THSD7A: variants seen among roughly 807,000 people sequenced by gnomAD.
The protein encoded by THSD7A is thrombospondin type 1 domain containing 7A.
In THSD7A, 96 loss-of-function variants were observed where a neutral mutation model predicts 231.3. That is an observed-to-expected ratio of 0.41 (90% confidence interval 0.35 to 0.49). The LOEUF is 0.49. Among genes scored for constraint, THSD7A ranks in the 20% least tolerant of loss-of-function variants. The pLI is 0.05. For synonymous variants in THSD7A, 940 were observed against 743.3 expected (o/e 1.26, Z -4.30); for missense variants, 2,290 against 2,070.2 (o/e 1.11, Z -2.06).
Position 11,739,513 on chromosome 7 carries a change from A to T in THSD7A, c.190+92244T>A, listed in dbSNP as rs1294337224. Among the ~76,000 whole-genome samples the T allele has an allele frequency of 1.3e-5, 2 of 152,046 alleles. 1 individual carries two copies. The highest frequency in any genetic ancestry group is 3.9e-4 in the East Asian group (2 of 5,160). ...ATTTAAATTAATTATTGATAGCCAG[A>T]TGAGTACCATTCACTATCAGCCATT... On this transcript the variant is annotated intron_variant, in intron 1 of 27. Coordinates refer to ENST00000423059, the MANE Select transcript of THSD7A (RefSeq NM_015204.3).
In THSD7A at chr7:11,634,898, G is replaced by C. The variant is rs1781779313; in HGVS notation, c.1022+1232C>G. On this transcript the variant is annotated intron_variant, in intron 2 of 27. Transcript: ENST00000423059. This position sits in a 1 kb window ranked among gnomAD's most constrained non-coding sequence, Gnocchi z 4.1. ...CCTTTTCCAAAAACACTTTAAACCA[G>C]ATTTCAAAATCTATGCATAGCAAAA... 6.6e-6 allele frequency among the ~76,000 whole-genome samples: 1 copy of C among 151,566 alleles called. No homozygotes were observed. Among genetic ancestry groups the C allele is most frequent in the South Asian group, 2.1e-4 (1 of 4,812 alleles).
At position 11,426,730 on chromosome 7, in the gene THSD7A, T is replaced by A; in HGVS notation, c.3244-59A>T. On this transcript the variant is annotated intron_variant, in intron 14 of 27. Transcript: ENST00000423059. ...GAGAGAAATAAGGTAGGTGAAAATG[T>A]CAGTATGCTATGAGAAGAACACATG... 4 of 1,512,254 alleles carry A rather than the reference T, an allele frequency of 2.6e-6. No homozygotes were observed. In the South Asian group the frequency reaches 3.7e-5, roughly 14 times the overall value. The allele number at this position is 1,512,254 out of a possible 1,614,324, so 93.7% of individuals were successfully genotyped here.
intron 23 of THSD7A, chr7:11,384,028 C>G (rs1405176398): frequency 6.6e-6 from 1 of 151,916 alleles, no homozygotes; most frequent in Non-Finnish European, 1.5e-5. Context: ...TGCAAAAATC[C>G]AAACAAGACC....
intron 17 of THSD7A, among the ~76,000 whole-genome samples, chr7:11,414,387 G>T (rs1244920859): frequency 2.0e-5 from 3 of 152,172 alleles, no homozygotes; most frequent in Admixed American, 2.0e-4. Context: ...CATACTCTTT[G>T]TTTTTTATAA....
intron 1 of THSD7A, among the ~76,000 whole-genome samples, chr7:11,677,394 C>A (rs1426498850): frequency 1.3e-5 from 2 of 151,806 alleles, no homozygotes; most frequent in Admixed American, 1.3e-4. Flanking sequence ...ATCATAATGA[C>A]AGAATCAAAT....
chr7:11,661,085 G>A (rs1782912773), intron 1 of THSD7A, among the ~76,000 whole-genome samples: 1 of 151,272 alleles, frequency 6.6e-6, no homozygotes, highest in South Asian at 2.1e-4. Flanking sequence ...GAAATATGAT[G>A]TAATTGTTTC....
At chr7:11,494,970 G>A (rs1787040234) in intron 6 of THSD7A, among the ~76,000 whole-genome samples, 1 of 152,046 alleles carries the variant, frequency 6.6e-6, no homozygotes, top group Admixed American at 6.6e-5. Context: ...GAGTTTGGGA[G>A]ATGAAACTGC....
chr7:11,723,490 A>T (rs1781433825), intron 1 of THSD7A, among the ~76,000 whole-genome samples: 1 of 151,938 alleles, frequency 6.6e-6, no homozygotes, highest in Non-Finnish European at 1.5e-5. Flanking sequence ...AAAATAAAAA[A>T]ATAAACTGGA....
intron 16 of THSD7A, among the ~76,000 whole-genome samples, chr7:11,423,866 G>C (rs73282884): frequency 6.6e-6 from 1 of 152,284 alleles, no homozygotes; most frequent in African/African-American, 2.4e-5. Flanking sequence ...AGGATCATGT[G>C]ATAGATACTG....
chr7:11,493,072 A>G (rs1786964493), intron 6 of THSD7A, among the ~76,000 whole-genome samples: 1 of 152,146 alleles, frequency 6.6e-6, no homozygotes. Flanking sequence ...ATTTATGAAA[A>G]GTTGCTCAGG....
At chr7:11,734,271 G>T (rs1229891686) in intron 1 of THSD7A, among the ~76,000 whole-genome samples, 3 of 151,844 alleles carry the variant, frequency 2.0e-5, no homozygotes, top group African/African-American at 7.2e-5. Flanking sequence ...CACACCACAG[G>T]CAGGTGAATT....
In THSD7A at chr7:11,375,710, A is replaced by G. The variant is rs1291709251; in HGVS notation, c.*84T>C. 1 of 1,099,974 alleles carries G rather than the reference A, an allele frequency of 9.1e-7. No individual in the cohort carries two copies. The highest frequency in any genetic ancestry group is 1.4e-6 in the Non-Finnish European group (1 of 737,912). The allele number at this position is 1,099,974 out of a possible 1,614,324, so 68.1% of individuals were successfully genotyped here. A position where few individuals can be genotyped will look rare whatever the true frequency, so the allele number is the denominator to read the frequency against. ...AAAATTAAAATATATTTTAATCCAC[A>G]CAGTTTGGATACATTTGTTGTGGCC... On this transcript the variant is annotated 3_prime_UTR_variant, in exon 28 of 28. Coordinates refer to ENST00000423059, the MANE Select transcript of THSD7A (RefSeq NM_015204.3).
intron 6 of THSD7A, among the ~76,000 whole-genome samples, chr7:11,496,528 T>C (rs1162896049): frequency 6.6e-6 from 1 of 152,054 alleles, no homozygotes; most frequent in East Asian, 1.9e-4. Context: ...ACATCCGTAA[T>C]TTTTTTCATG....
chr7:11,681,921 C>G (rs1003865979), intron 1 of THSD7A, among the ~76,000 whole-genome samples: 2 of 151,852 alleles, frequency 1.3e-5, no homozygotes, highest in Middle Eastern at 6.3e-3. Flanking sequence ...TCAGCACAAA[C>G]CTTACAAGCC....
chr7:11,802,565 C>CAG (rs1784305572), intron 1 of THSD7A, among the ~76,000 whole-genome samples: 1 of 152,094 alleles, frequency 6.6e-6, no homozygotes, highest in Non-Finnish European at 1.5e-5. Flanking sequence ...GATAGAGAGA[C>CAG]AGAGGTTGAG....
chr7:11,561,042 G>C (rs960819157), intron 4 of THSD7A, among the ~76,000 whole-genome samples: 1 of 152,090 alleles, frequency 6.6e-6, no homozygotes, highest in South Asian at 2.1e-4. Flanking sequence ...TAGGGCAACC[G>C]AGTATGAAGT....
At chr7:11,643,062 A>C (rs1782145897) in intron 1 of THSD7A, among the ~76,000 whole-genome samples, 1 of 152,082 alleles carries the variant, frequency 6.6e-6, no homozygotes, top group Admixed American at 6.6e-5. Flanking sequence ...AAACACCATA[A>C]AAGGAGCATG....
intron 6 of THSD7A, 119 bp from the exon 7 acceptor site, chr7:11,482,101 AC>A (rs770742970): frequency 5.2e-6 from 6 of 1,156,276 alleles, no homozygotes; most frequent in South Asian, 3.3e-5. Flanking sequence ...ACTTAAAAAA[AC>A]GTAGCCAAAA....
chr7:11,500,844 A>C (rs897435544), intron 6 of THSD7A, among the ~76,000 whole-genome samples: 2 of 151,802 alleles, frequency 1.3e-5, no homozygotes, highest in Non-Finnish European at 2.9e-5. Context: ...GCTGAGGCAG[A>C]GAATTGCTTG....
Sources: gnomAD v4.1 joint callset for allele counts (sites outside exome capture counted in the v4.1 genomes callset) on GRCh38, gnomAD v4.1.1 for gene constraint, Gnocchi (gnomAD v3.1) non-coding constraint, MANE v1.5 for transcripts, NCBI Gene and HGNC (gene_info 2026-07-23, HGNC 2026-07-21) for gene names.